Variants in RTN4 observed in about 807,000 individuals in gnomAD.
RTN4 encodes reticulon-4.
RTN4 carries 32 observed loss-of-function variants against 90.4 expected under a neutral mutation model. The ratio of observed to expected loss-of-function variants is 0.35; its 90% CI spans 0.27 to 0.48. RTN4 has a LOEUF of 0.48. Ranked by LOEUF, RTN4 falls within the 20% of genes least tolerant of loss-of-function variation. The pLI is 0.99. For synonymous variants in RTN4, 629 were observed against 552.5 expected (o/e 1.14, Z -1.94); for missense variants, 1,706 against 1,430.2 (o/e 1.19, Z -3.11).
chr2:54,995,708 C>T (rs1211641711), intron 3 of RTN4, among the ~76,000 whole-genome samples: 8 of 152,082 alleles, frequency 5.3e-5, no homozygotes, highest in Non-Finnish European at 1.2e-4. Flanking sequence ...TCACAGGGCA[C>T]ACTCATACAC....
chr2:55,059,041 C>G (rs745904175), intron 2 of RTN4, among the ~76,000 whole-genome samples: 22 of 151,944 alleles, frequency 1.4e-4, no homozygotes, highest in Non-Finnish European at 3.1e-4. Context: ...AGTGTGATAC[C>G]TAGAGAACAT....
chr2:55,011,655 T>C (rs1680650855), intron 3 of RTN4, among the ~76,000 whole-genome samples: 1 of 152,160 alleles, frequency 6.6e-6, no homozygotes, highest in Non-Finnish European at 1.5e-5. Flanking sequence ...CAGAAGTGGC[T>C]TGATATTAAT....
chr2:55,045,802 G>A (rs1683381538), intron 1 of RTN4, among the ~76,000 whole-genome samples: 1 of 152,106 alleles, frequency 6.6e-6, no homozygotes, highest in Non-Finnish European at 1.5e-5. Flanking sequence ...CATATTTTCG[G>A]TCTTAATTAA....
intron 3 of RTN4, among the ~76,000 whole-genome samples, chr2:55,020,122 G>A (rs76968233): frequency 0.016 from 2,430 of 152,056 alleles, 64 homozygotes; most frequent in African/African-American, 0.053. Flanking sequence ...AAAAATGGCC[G>A]TAATATCCAA....
Position 55,028,167 on chromosome 2 carries a change from C to T in RTN4, c.610G>A (p.Ala204Thr), listed in dbSNP as rs1326544087. The T allele has an allele frequency of 6.2e-7, 1 of 1,612,068 alleles. No homozygotes were observed. The highest frequency in any genetic ancestry group is 8.5e-7 in the Non-Finnish European group (1 of 1,179,134). Residue 204 changes from alanine to threonine, a missense_variant, in exon 2 of 9, where the codon GCA becomes ACA. Transcript: ENST00000337526. Reference sequence around the variant, plus strand: ...AAGGCTGGCAGAAAGAACTTGCCTGCAGAGGAGCGTATCACAGGCTCAGAT... The same window carrying T: ...AAGGCTGGCAGAAAGAACTTGCCTGTAGAGGAGCGTATCACAGGCTCAGAT... ...AASEPVIRSS[A>T]ENMDLKEQPG...
At chr2:54,987,790 G>C in intron 3 of RTN4, 92 bp from the exon 4 acceptor site, 1 of 1,008,752 alleles carries the variant, frequency 9.9e-7, no homozygotes, top group Non-Finnish European at 1.5e-6. Flanking sequence ...ACTACATAAA[G>C]TAAAATCAAA....
Position 54,974,809 on chromosome 2 carries a change from A to G in RTN4, c.3361-45T>C, listed in dbSNP as rs779273501. The G allele has an allele frequency of 1.2e-5, 19 of 1,532,174 alleles. No homozygotes were observed. The African/African-American group carries it at 2.6e-4, about 21-fold the overall frequency. 94.9% of individuals were successfully genotyped at this position (1,532,174 alleles called of 1,614,324 possible). The stretch of plus-strand genomic sequence containing the variant: ...GCCCATTATAAACAAAATTCAAGTA[A>G]AGTTTCTTAATTATGCTTTCAAAAG... On this transcript the variant is annotated intron_variant, in intron 5 of 8. Transcript: ENST00000337526.
rs1238296644 is a variant in RTN4 at position 54,988,964 on chromosome 2, T to C, written c.3014-1266A>G. 1.2e-4 allele frequency among the ~76,000 whole-genome samples: 18 copies of C among 152,110 alleles called. No homozygotes were observed. In the East Asian group the frequency reaches 3.3e-3, roughly 28 times the overall value. The stretch of plus-strand genomic sequence containing the variant: ...TAATCTCTCTCTGAACTGTGAACAA[T>C]TGGGAGAAAAAAATTTATAGTAAAT... On this transcript the variant is annotated intron_variant, in intron 3 of 8. Coordinates refer to ENST00000337526, the MANE Select transcript of RTN4 (RefSeq NM_020532.5).
intron 1 of RTN4, among the ~76,000 whole-genome samples, chr2:55,030,394 T>C (rs1682216996): frequency 6.6e-6 from 1 of 152,208 alleles, no homozygotes; most frequent in Admixed American, 6.5e-5. Context: ...AAGTACTACA[T>C]TTCTAAAAGC....
At chr2:54,978,870 G>A (rs552807314) in intron 5 of RTN4, among the ~76,000 whole-genome samples, 15 of 152,052 alleles carry the variant, frequency 9.9e-5, no homozygotes, top group East Asian at 7.7e-4. Context: ...AAATAAATCC[G>A]TTTAAACAAG....
At chr2:54,993,706 G>A (rs1679203351) in intron 3 of RTN4, among the ~76,000 whole-genome samples, 2 of 152,188 alleles carry the variant, frequency 1.3e-5, no homozygotes, top group Admixed American at 1.3e-4. Context: ...ACTGAAACAA[G>A]TACTAGGAAT....
At chr2:55,009,999 C>T in intron 3 of RTN4, 3 of 1,470,296 alleles carry the variant, frequency 2.0e-6, no homozygotes, top group Non-Finnish European at 2.8e-6. Context: ...ACTTTCAATC[C>T]AAAATATCTA....
At chr2:55,053,873 C>G (rs1253200784), upstream of RTN4, among the ~76,000 whole-genome samples, 2 of 152,132 alleles carry the variant, frequency 1.3e-5, no homozygotes, top group Non-Finnish European at 2.9e-5. Flanking sequence ...ACCAATCTCT[C>G]TTCCATTATC....
Position 54,997,106 on chromosome 2 carries a change from T to G in RTN4, c.3014-9408A>C, listed in dbSNP as rs942316939. The stretch of plus-strand genomic sequence containing the variant: ...TACCACACAGAACGAGAGAAAACAC[T>G]TGCAAACCAATTCTCTGATAAGAGA... On this transcript the variant is annotated intron_variant, in intron 3 of 8. Coordinates refer to ENST00000337526, the MANE Select transcript of RTN4 (RefSeq NM_020532.5). 4.6e-5 allele frequency among the ~76,000 whole-genome samples: 7 copies of G among 152,240 alleles called. No individual in the cohort carries two copies. The South Asian group carries it at 1.2e-3, about 27-fold the overall frequency.
chr2:55,048,325 C>T (rs1320452548), intron 1 of RTN4, among the ~76,000 whole-genome samples: 1 of 152,198 alleles, frequency 6.6e-6, no homozygotes, highest in Non-Finnish European at 1.5e-5. Context: ...GGTTAGGCTA[C>T]ACTAAATTTA....
intron 2 of RTN4, among the ~76,000 whole-genome samples, chr2:55,057,947 C>T (rs1668219439): frequency 6.6e-6 from 1 of 152,054 alleles, no homozygotes; most frequent in East Asian, 1.9e-4. Context: ...TGTACCATTG[C>T]CCTCCAGCTT....
intron 2 of RTN4, among the ~76,000 whole-genome samples, chr2:55,065,542 G>A (rs969700983): frequency 4.6e-5 from 7 of 152,120 alleles, no homozygotes; most frequent in African/African-American, 1.7e-4. Flanking sequence ...ATCAAGAGTA[G>A]AATGGATTAA....
At chr2:55,108,038 C>T (rs917560908) in intron 1 of RTN4, among the ~76,000 whole-genome samples, 2 of 152,006 alleles carry the variant, frequency 1.3e-5, no homozygotes, top group Non-Finnish European at 2.9e-5. Context: ...TCACTGCAAC[C>T]TCTGCCTCCT....
At chr2:54,977,806 T>C (rs1047386626) in intron 5 of RTN4, among the ~76,000 whole-genome samples, 1 of 152,342 alleles carries the variant, frequency 6.6e-6, no homozygotes, top group Admixed American at 6.5e-5. Context: ...ACTTAGAAGT[T>C]TGTAGTTAAT....
Sources: gnomAD v4.1 joint callset for allele counts (sites outside exome capture counted in the v4.1 genomes callset) on GRCh38, gnomAD v4.1.1 for gene constraint, MANE v1.5 for transcripts, NCBI Gene and HGNC (gene_info 2026-07-23, HGNC 2026-07-21) for gene names.